Variants in ZDHHC17 observed in about 807,000 individuals in gnomAD.
The protein encoded by ZDHHC17 is palmitoyltransferase ZDHHC17.
In ZDHHC17, 40 loss-of-function variants were observed where a neutral mutation model predicts 90.3. That is an observed-to-expected ratio of 0.44 (90% CI 0.34 to 0.58). The LOEUF is 0.58. Ranked by LOEUF, ZDHHC17 falls within the 20% of genes least tolerant of loss-of-function variation. The pLI is 0.01. For missense variants in ZDHHC17, 614 were observed against 780.8 expected, an observed-to-expected ratio of 0.79 and a Z score of 2.55; for synonymous variants, 235 against 252.4, an observed-to-expected ratio of 0.93 and a Z score of 0.65.
chr12:76,771,898 A>G (rs1389410895), intron 1 of ZDHHC17, among the ~76,000 whole-genome samples: 2 of 152,216 alleles, frequency 1.3e-5, no homozygotes, highest in Non-Finnish European at 2.9e-5. Flanking sequence ...GCAAGGATGC[A>G]GTTGAAATCA....
At chr12:76,802,280 C>G (rs932588588) in intron 2 of ZDHHC17, among the ~76,000 whole-genome samples, 20 of 152,188 alleles carry the variant, frequency 1.3e-4, no homozygotes, top group African/African-American at 4.1e-4. Flanking sequence ...CTGTTACCTT[C>G]TGGCCTCCAA....
rs1241722353 is a variant in ZDHHC17 at position 76,812,422 on chromosome 12, TTCTC to T, written c.543+2575_543+2578del. 4.6e-5 allele frequency among the ~76,000 whole-genome samples: 7 copies of T among 151,954 alleles called. No homozygotes were observed. The East Asian group carries it at 1.4e-3, about 29-fold the overall frequency. ...TTCTTTCCTCAGATAGTCACACAGT[TTCTC>T]TCTCTCTCTTCAGTCAGATGGTTGC... On this transcript the variant is annotated intron_variant, in intron 5 of 16. Coordinates refer to ENST00000426126, the MANE Select transcript of ZDHHC17 (RefSeq NM_015336.4).
rs1487561569 is a variant in ZDHHC17, at chr12:76,800,937, G to T, written c.197+3400G>T. On this transcript the variant is annotated intron_variant, in intron 2 of 16. Transcript: ENST00000426126. ...GAGTCTTGCTCTATCGCCTAGGCTG[G>T]AGTGCCATGGCGCAATCTCAGCTCA... Among the ~76,000 whole-genome samples, 5 of 139,696 alleles carry T rather than the reference G, an allele frequency of 3.6e-5. No homozygotes were observed. The East Asian group carries it at 1.1e-3, about 30-fold the overall frequency. The allele number at this position is 139,696 out of a possible 152,430, so 91.6% of individuals were successfully genotyped here.
intron 1 of ZDHHC17, among the ~76,000 whole-genome samples, chr12:76,790,901 A>G (rs994326482): frequency 3.8e-5 from 5 of 132,074 alleles, no homozygotes; most frequent in Admixed American, 3.4e-4. Context: ...CTAGTGTTCT[A>G]TAGTATTACA....
At chr12:76,781,753 A>G (rs1952629842) in intron 1 of ZDHHC17, 2 of 449,868 alleles carry the variant, frequency 4.4e-6, no homozygotes, top group Non-Finnish European at 8.9e-6. Context: ...CACAAAATGG[A>G]CTAAGACAGT....
chr12:76,793,869 C>T (rs369237479), intron 1 of ZDHHC17, among the ~76,000 whole-genome samples: 1 of 152,004 alleles, frequency 6.6e-6, no homozygotes, highest in Non-Finnish European at 1.5e-5. Flanking sequence ...CCATTAACAT[C>T]GAGGAAAAAT....
intron 5 of ZDHHC17, among the ~76,000 whole-genome samples, chr12:76,811,682 G>A (rs1011797239): frequency 6.6e-6 from 1 of 151,772 alleles, no homozygotes; most frequent in East Asian, 1.9e-4. Context: ...GAAATATTCA[G>A]GCATAATAGA....
intron 1 of ZDHHC17, among the ~76,000 whole-genome samples, chr12:76,782,704 G>C (rs1278894214): frequency 6.6e-6 from 1 of 152,138 alleles, no homozygotes; most frequent in Non-Finnish European, 1.5e-5. Flanking sequence ...GTCAGAGAAA[G>C]CCAGAAGTGG....
chr12:76,770,736 G>A (rs1470222567), intron 1 of ZDHHC17, among the ~76,000 whole-genome samples: 2 of 151,980 alleles, frequency 1.3e-5, no homozygotes, highest in Non-Finnish European at 2.9e-5. Flanking sequence ...TCGGGAGTTC[G>A]AGACCAGCCT....
rs1173440519 is a variant in ZDHHC17, at chr12:76,852,083, T to C, written c.*1098T>C. The C allele has an allele frequency of 6.5e-6, 1 of 152,686 alleles. No individual in the cohort carries two copies. Among genetic ancestry groups the C allele is most frequent in the Non-Finnish European group, 1.5e-5 (1 of 68,050 alleles). 9.5% of individuals were successfully genotyped at this position (152,686 alleles called of 1,614,324 possible). A position where few individuals can be genotyped will look rare whatever the true frequency, so the allele number is the denominator to read the frequency against. The stretch of plus-strand genomic sequence containing the variant: ...AAGAGTATTTCAGTTTATCCAATAT[T>C]GAGTAAGTTCTGAAACAGTTTTAGA... On this transcript the variant is annotated 3_prime_UTR_variant, in exon 17 of 17. Coordinates refer to ENST00000426126, the MANE Select transcript of ZDHHC17 (RefSeq NM_015336.4).
chr12:76,847,645 G>A (rs775111498), intron 14 of ZDHHC17, among the ~76,000 whole-genome samples: 5 of 152,224 alleles, frequency 3.3e-5, no homozygotes, highest in Non-Finnish European at 7.3e-5. Flanking sequence ...GTTGAGGCCA[G>A]GAGTTTGAGA....
intron 1 of ZDHHC17, among the ~76,000 whole-genome samples, chr12:76,779,574 G>A (rs1952600089): frequency 6.6e-6 from 1 of 152,080 alleles, no homozygotes; most frequent in Non-Finnish European, 1.5e-5. Context: ...ATGACACGTG[G>A]GAATTATGGG....
rs745516207 is a variant in ZDHHC17 at position 76,822,476 on chromosome 12, G to A, written c.842G>A (p.Arg281Lys). The part of the protein sequence containing the change: ...VWMINHLQEA[R>K]QAKGYDNPSF... The stretch of plus-strand genomic sequence containing the variant: ...ATGATCAACCACTTACAAGAGGCAA[G>A]GCAAGCAAAAGGATATGACAATCCG... Residue 281 changes from arginine to lysine, a missense_variant, in exon 8 of 17, where the codon AGG (arginine) becomes AAG (lysine). By Grantham distance (26) the Arg-to-Lys change is conservative. Transcript: ENST00000426126. 1 of 1,613,092 alleles carries A rather than the reference G, an allele frequency of 6.2e-7. No homozygotes were observed. The highest frequency in any genetic ancestry group is 1.1e-5 in the South Asian group (1 of 90,996).
At chr12:76,810,489 C>T (rs1953006594) in intron 5 of ZDHHC17, among the ~76,000 whole-genome samples, 2 of 152,128 alleles carry the variant, frequency 1.3e-5, no homozygotes, top group Admixed American at 6.6e-5. Flanking sequence ...AGGATCTCAT[C>T]ACAAGAATAA....
At chr12:76,834,537 T>G (rs984333521) in intron 10 of ZDHHC17, among the ~76,000 whole-genome samples, 1 of 152,234 alleles carries the variant, frequency 6.6e-6, no homozygotes, top group Non-Finnish European at 1.5e-5. Flanking sequence ...TTCTCTGTTT[T>G]CTGTGTATCT....
chr12:76,790,443 A>G (rs1419352396), intron 1 of ZDHHC17, among the ~76,000 whole-genome samples: 3 of 152,180 alleles, frequency 2.0e-5, no homozygotes, highest in South Asian at 2.1e-4. Context: ...TGGAGGTTGC[A>G]GCAAGCCAAG....
intron 16 of ZDHHC17, among the ~76,000 whole-genome samples, chr12:76,849,912 AACTG>A (rs1383336122): frequency 6.6e-6 from 1 of 152,058 alleles, no homozygotes; most frequent in Admixed American, 6.6e-5. Context: ...TAAGGCACAA[AACTG>A]ACTGCTTTTC....
intron 4 of ZDHHC17, among the ~76,000 whole-genome samples, 185 bp downstream of exon 4, chr12:76,809,305 G>A (rs1952992628): frequency 6.6e-6 from 1 of 152,068 alleles, no homozygotes; most frequent in African/African-American, 2.4e-5. Context: ...ATTGTCCAAA[G>A]TTTCCCTGGC....
intron 5 of ZDHHC17, among the ~76,000 whole-genome samples, chr12:76,814,342 A>G (rs1953059267): frequency 6.6e-6 from 1 of 151,972 alleles, no homozygotes; most frequent in African/African-American, 2.4e-5. Flanking sequence ...ATAGTGGTTT[A>G]TTACATGGTT....
Sources: allele counts gnomAD v4.1 joint callset (sites outside exome capture counted in the v4.1 genomes callset), GRCh38; gene constraint gnomAD v4.1.1; transcripts MANE v1.5; gene names NCBI Gene and HGNC (gene_info 2026-07-23, HGNC 2026-07-21).